The following KCNQ1OT1 variants were observed in gnomAD, a reference collection of about 807,000 sequenced individuals.
KCNQ1OT1 encodes the protein KCNQ1 antisense RNA 2 (non-protein coding).
exon 1 of KCNQ1OT1, chr11:2,631,978 C>G: frequency 2.5e-6 from 1 of 396,054 alleles, no homozygotes. Flanking sequence ...GTCAGGAGAT[C>G]GAGACCATCC....
At position 2,670,193 on chromosome 11, in the gene KCNQ1OT1, G is replaced by C. The variant is rs1455752991; in HGVS notation, n.29802C>G. 2.5e-6 allele frequency: 1 copy of C among 398,526 alleles called. No homozygotes were observed. Among genetic ancestry groups the C allele is most frequent in the Non-Finnish European group, 4.4e-6 (1 of 226,092 alleles). The allele number at this position is 398,526 out of a possible 1,614,324, so 24.7% of individuals were successfully genotyped here. On this transcript the variant is annotated non_coding_transcript_exon_variant, in exon 1 of 1. Coordinates refer to ENST00000597346, the Ensembl canonical transcript of KCNQ1OT1. This position sits in a 1 kb window ranked among gnomAD's most constrained non-coding sequence, Gnocchi z 4.9. ...AGGCAAGCACCCACATTAAAGCAGA[G>C]TGAAGAGCAGGGCGAGCTGTGTAGC...
At chr11:2,619,712 A>ATT (rs35618307) in exon 1 of KCNQ1OT1, 6,038 of 367,928 alleles carry the variant, frequency 0.016, 225 homozygotes, top group African/African-American at 0.11. Flanking sequence ...CTTTAGCTGC[A>ATT]TTTTTTTTTT....
At chr11:2,689,402 G>A in exon 1 of KCNQ1OT1, 1 of 398,724 alleles carries the variant, frequency 2.5e-6, no homozygotes, top group Middle Eastern at 6.3e-4. Context: ...GCCCACTCTT[G>A]GGAAATGGGG....
In KCNQ1OT1 at chr11:2,626,709, T is replaced by C. The variant is rs976516183; in HGVS notation, n.73286A>G. On this transcript the variant is annotated non_coding_transcript_exon_variant, in exon 1 of 1. Coordinates refer to ENST00000597346, the Ensembl canonical transcript of KCNQ1OT1. This position sits in a 1 kb window ranked among gnomAD's most constrained non-coding sequence, Gnocchi z 4.0. ...ACACCTGGCCAATTATTTTATTTTT[T>C]GTAGAGATGAGGTCTCCCTGTGTTC... is the stretch of plus-strand genomic sequence containing the variant. 3 of 398,312 alleles carry C rather than the reference T, an allele frequency of 7.5e-6. No homozygotes were observed. Among genetic ancestry groups the C allele is most frequent in the Middle Eastern group, 6.2e-4 (1 of 1,610 alleles). The allele number at this position is 398,312 out of a possible 1,614,324, so 24.7% of individuals were successfully genotyped here. A position where few individuals can be genotyped will look rare whatever the true frequency, so the allele number is the denominator to read the frequency against.
chr11:2,637,488 G>T (rs1313453481), exon 1 of KCNQ1OT1: 1 of 152,228 alleles, frequency 6.6e-6, no homozygotes, highest in African/African-American at 2.4e-5. Flanking sequence ...ATGTCGTTGA[G>T]CGGTTTTGAG....
exon 1 of KCNQ1OT1, chr11:2,694,463 A>G (rs926756737): frequency 4.5e-5 from 18 of 398,536 alleles, no homozygotes; most frequent in African/African-American, 3.7e-4. Context: ...AGCCCCTCAC[A>G]ACAAAGATAC....
In KCNQ1OT1 at chr11:2,623,045, G is replaced by A; in HGVS notation, n.76950C>T. 2.5e-6 allele frequency: 1 copy of A among 398,574 alleles called. No individual in the cohort carries two copies. The highest frequency in any genetic ancestry group is 4.4e-6 in the Non-Finnish European group (1 of 226,110). 24.7% of individuals were successfully genotyped at this position (398,574 alleles called of 1,614,324 possible). A position where few individuals can be genotyped will look rare whatever the true frequency, so the allele number is the denominator to read the frequency against. On this transcript the variant is annotated non_coding_transcript_exon_variant, in exon 1 of 1. Coordinates refer to ENST00000597346, the Ensembl canonical transcript of KCNQ1OT1. The surrounding 1 kb of genome is among the most constrained non-coding windows in gnomAD (Gnocchi z 5.2). The stretch of plus-strand genomic sequence containing the variant: ...GTGTCAGGGGAGGGGCCTGGTGGGG[G>A]GCAAACTTCCCCCTTGCTGTTCTCA...
In KCNQ1OT1 at chr11:2,683,284, C is replaced by T. The variant is rs1325538143; in HGVS notation, n.16711G>A. On this transcript the variant is annotated non_coding_transcript_exon_variant, in exon 1 of 1. Transcript: ENST00000597346. The surrounding 1 kb of genome is among the most constrained non-coding windows in gnomAD (Gnocchi z 4.7). Reference sequence around the variant, plus strand: ...CTGTCAGCCTGAGTATGGGCAATGGCGTTTTAGTTTGCAAAACCAGACACA... The same window carrying T: ...CTGTCAGCCTGAGTATGGGCAATGGTGTTTTAGTTTGCAAAACCAGACACA... The T allele has an allele frequency of 2.5e-5, 10 of 398,430 alleles. No homozygotes were observed. Among genetic ancestry groups the T allele is most frequent in the Non-Finnish European group, 4.0e-5 (9 of 226,078 alleles). 24.7% of individuals were successfully genotyped at this position (398,430 alleles called of 1,614,324 possible).
chr11:2,626,114 T>C lies in KCNQ1OT1; in HGVS notation n.73881A>G. ...TATTTTTACTTTTATTGCCTGTGCC[T>C]TTGGTGTCGCATACAAGAAGCACTG... On this transcript the variant is annotated non_coding_transcript_exon_variant, in exon 1 of 1. Coordinates refer to ENST00000597346, the Ensembl canonical transcript of KCNQ1OT1. This position sits in a 1 kb window ranked among gnomAD's most constrained non-coding sequence, Gnocchi z 4.0. 1 of 398,616 alleles carries C rather than the reference T, an allele frequency of 2.5e-6. No individual in the cohort carries two copies. Among genetic ancestry groups the C allele is most frequent in the Non-Finnish European group, 4.4e-6 (1 of 226,052 alleles). 24.7% of individuals were successfully genotyped at this position (398,616 alleles called of 1,614,324 possible).
exon 1 of KCNQ1OT1, chr11:2,643,440 A>G (rs1415132203): frequency 2.5e-6 from 1 of 398,124 alleles, no homozygotes; most frequent in Admixed American, 4.4e-5. Context: ...TTTTTAGCTT[A>G]ACCTTTGTTT....
chr11:2,686,704 T>C (rs1321292338), exon 1 of KCNQ1OT1: 4 of 398,498 alleles, frequency 1.0e-5, no homozygotes, highest in Non-Finnish European at 1.8e-5. Context: ...TGTTCAAGGC[T>C]GGGAAGTCCT....
exon 1 of KCNQ1OT1, chr11:2,636,767 C>T (rs956345383): frequency 6.6e-6 from 1 of 152,246 alleles, no homozygotes; most frequent in Non-Finnish European, 1.5e-5. Flanking sequence ...ATAGTACCAG[C>T]TCCTCCTTGT....
exon 1 of KCNQ1OT1, chr11:2,628,451 A>G (rs149816823): frequency 3.1e-4 from 124 of 398,404 alleles, no homozygotes; most frequent in African/African-American, 2.4e-3. Context: ...ATAAATGTCT[A>G]TTCAGTCCCT....
In KCNQ1OT1 at chr11:2,651,843, T is replaced by C; in HGVS notation, n.48152A>G. On this transcript the variant is annotated non_coding_transcript_exon_variant, in exon 1 of 1. Coordinates refer to ENST00000597346, the Ensembl canonical transcript of KCNQ1OT1. The surrounding 1 kb of genome is among the most constrained non-coding windows in gnomAD (Gnocchi z 6.1). ...AGCCCACAGGACCATACCAGACAGA[T>C]GCCACCACATCTTTTCTTGAAGTAG... is the stretch of plus-strand genomic sequence containing the variant. 2 of 398,666 alleles carry C rather than the reference T, an allele frequency of 5.0e-6. No individual in the cohort carries two copies. The highest frequency in any genetic ancestry group is 8.8e-6 in the Non-Finnish European group (2 of 226,092). 24.7% of individuals were successfully genotyped at this position (398,666 alleles called of 1,614,324 possible).
At chr11:2,650,718 C>T (rs563205745) in exon 1 of KCNQ1OT1, 2 of 398,618 alleles carry the variant, frequency 5.0e-6, no homozygotes, top group East Asian at 3.6e-5. Context: ...GGGCAGGGGA[C>T]TAGAATGCTA....
Position 2,657,634 on chromosome 11 carries a change from G to A in KCNQ1OT1, n.42361C>T, listed in dbSNP as rs1174724981. ...AACATTGGTACACTATTAAGCTAGA[G>A]TTATAAATTTATTTGGATTTCCCCA... is the stretch of plus-strand genomic sequence containing the variant. On this transcript the variant is annotated non_coding_transcript_exon_variant, in exon 1 of 1. Coordinates refer to ENST00000597346, the Ensembl canonical transcript of KCNQ1OT1. This position sits in a 1 kb window ranked among gnomAD's most constrained non-coding sequence, Gnocchi z 4.8. The A allele has an allele frequency of 1.0e-5, 4 of 398,492 alleles. No homozygotes were observed. Among genetic ancestry groups the A allele is most frequent in the African/African-American group, 8.2e-5 (4 of 48,632 alleles). 24.7% of individuals were successfully genotyped at this position (398,492 alleles called of 1,614,324 possible). A position where few individuals can be genotyped will look rare whatever the true frequency, so the allele number is the denominator to read the frequency against.
exon 1 of KCNQ1OT1, chr11:2,632,298 C>T (rs541584094): frequency 1.7e-4 from 66 of 397,960 alleles, no homozygotes; most frequent in Non-Finnish European, 2.4e-4. Context: ...GGGATTTCTA[C>T]AAATATGATC....
At position 2,671,072 on chromosome 11, in the gene KCNQ1OT1, T is replaced by G. The variant is rs1850175053; in HGVS notation, n.28923A>C. The G allele has an allele frequency of 2.5e-6, 1 of 398,536 alleles. No homozygotes were observed. Among genetic ancestry groups the G allele is most frequent in the African/African-American group, 2.1e-5 (1 of 48,606 alleles). 24.7% of individuals were successfully genotyped at this position (398,536 alleles called of 1,614,324 possible). On this transcript the variant is annotated non_coding_transcript_exon_variant, in exon 1 of 1. Transcript: ENST00000597346. This position sits in a 1 kb window ranked among gnomAD's most constrained non-coding sequence, Gnocchi z 4.7. ...TGAGGCACACATCCTTGGTAGTGACTGGCTAGCAGGAGGAAGTCTGGCAGT... is the reference window on the plus strand; with the variant it reads ...TGAGGCACACATCCTTGGTAGTGACGGGCTAGCAGGAGGAAGTCTGGCAGT...
chr11:2,644,393 T>C (rs190228528), exon 1 of KCNQ1OT1: 7 of 398,426 alleles, frequency 1.8e-5, no homozygotes, highest in Admixed American at 1.3e-4. Flanking sequence ...TTTTATTTCA[T>C]TCAATCTATT....
Sources: allele counts gnomAD v4.1 joint callset, GRCh38; gene constraint gnomAD v4.1.1; non-coding constraint Gnocchi (gnomAD v3.1); transcripts MANE v1.5; gene names NCBI Gene and HGNC (gene_info 2026-07-23, HGNC 2026-07-21).